Variants in CWC27 observed in about 807,000 individuals in gnomAD.
CWC27 encodes the protein CWC27 spliceosome associated cyclophilin.
Under a neutral mutation model 63.6 loss-of-function variants are expected in CWC27, and 47 were observed. That is an observed-to-expected ratio of 0.74 (90% CI 0.58 to 0.94). The LOEUF is 0.94. Among genes scored for constraint, CWC27 ranks in the 40% least tolerant of loss-of-function variants. The pLI, the probability that CWC27 is intolerant of heterozygous loss-of-function variation, is 0.00. For missense variants in CWC27, 495 were observed against 554.3 expected (o/e 0.89, Z 1.07); for synonymous variants, 175 against 179.8 (o/e 0.97, Z 0.22).
intron 11 of CWC27, among the ~76,000 whole-genome samples, chr5:64,910,955 G>A (rs892092342): frequency 4.6e-5 from 7 of 152,168 alleles, no homozygotes; most frequent in African/African-American, 1.7e-4. Flanking sequence ...TCCGTGGGCT[G>A]CACCCATTGT....
At chr5:64,970,958 AGTGT>A (rs57958257) in intron 11 of CWC27, among the ~76,000 whole-genome samples, 22,678 of 143,352 alleles carry the variant, frequency 0.16, 2,852 homozygotes, top group African/African-American at 0.36. Context: ...AGAGAGAGGG[AGTGT>A]GTGTGTGTGT....
At chr5:64,900,412 T>C (rs1016298123) in intron 11 of CWC27, among the ~76,000 whole-genome samples, 2 of 152,238 alleles carry the variant, frequency 1.3e-5, no homozygotes. Context: ...GTGTTGTTTG[T>C]TATTTACTAT....
rs143997810 is a variant in CWC27, at chr5:64,799,602, A to ATATATATATATATG, written c.670-646_670-645insTATATATATATATG. Among the ~76,000 whole-genome samples, 25 of 132,884 alleles carry ATATATATATATATG rather than the reference A, an allele frequency of 1.9e-4. 3 individuals carry two copies. Among genetic ancestry groups the ATATATATATATATG allele is most frequent in the East Asian group, 1.7e-3 (7 of 4,142 alleles). 87.2% of individuals were successfully genotyped at this position (132,884 alleles called of 152,430 possible). On this transcript the variant is annotated intron_variant, in intron 7 of 13. Coordinates refer to ENST00000381070, the MANE Select transcript of CWC27 (RefSeq NM_005869.4). ...TCCATCTCAAAATATATATATATAT[A>ATATATATATATATG]CTTAATAGCAGCAGTAGTTGTTGTT...
rs146827831 is a variant in CWC27 at position 64,842,652 on chromosome 5, T to G, written c.938+38266T>G. 6.0e-5 allele frequency among the ~76,000 whole-genome samples: 9 copies of G among 150,612 alleles called. No individual in the cohort carries two copies. In the East Asian group the frequency reaches 1.8e-3, roughly 30 times the overall value. The stretch of plus-strand genomic sequence containing the variant: ...TCTTGCCCTGTCACCCAGGCTGGAG[T>G]GCAGTGGCATGATCTTGACCCACTG... On this transcript the variant is annotated intron_variant, in intron 10 of 13. Transcript: ENST00000381070.
At chr5:65,007,012 AAGAAAG>A (rs1749858569) in intron 13 of CWC27, among the ~76,000 whole-genome samples, 2 of 151,726 alleles carry the variant, frequency 1.3e-5, no homozygotes, top group South Asian at 2.1e-4. Context: ...GAAAGAAAGA[AAGAAAG>A]AAAGAAAAGA....
At chr5:64,797,357 G>A (rs1744312270) in intron 7 of CWC27, among the ~76,000 whole-genome samples, 2 of 152,056 alleles carry the variant, frequency 1.3e-5, no homozygotes, top group Admixed American at 1.3e-4. Flanking sequence ...CTCTCTTAAG[G>A]ATTGTCTCCT....
chr5:65,004,584 G>A (rs1749794087), intron 13 of CWC27, among the ~76,000 whole-genome samples: 1 of 150,588 alleles, frequency 6.6e-6, no homozygotes, highest in Admixed American at 6.6e-5. Context: ...TTTTCATTCA[G>A]ATCATGAATT....
At chr5:64,866,952 T>C (rs1370792594) in intron 10 of CWC27, among the ~76,000 whole-genome samples, 1 of 152,072 alleles carries the variant, frequency 6.6e-6, no homozygotes, top group Non-Finnish European at 1.5e-5. Context: ...GTAGGAAAAA[T>C]GTATGACACT....
At chr5:64,956,316 G>T (rs1329550157) in intron 11 of CWC27, among the ~76,000 whole-genome samples, 2 of 151,998 alleles carry the variant, frequency 1.3e-5, no homozygotes, top group East Asian at 1.9e-4. Context: ...TCTTTATTTG[G>T]CATTCAGAGA....
intron 13 of CWC27, among the ~76,000 whole-genome samples, chr5:64,991,758 A>G (rs1319685739): frequency 6.6e-6 from 1 of 152,158 alleles, no homozygotes; most frequent in Admixed American, 6.5e-5. Context: ...CAAAATAAAA[A>G]CCAACGGAAA....
intron 13 of CWC27, among the ~76,000 whole-genome samples, chr5:64,996,692 G>A (rs1489170564): frequency 6.6e-6 from 1 of 152,018 alleles, no homozygotes; most frequent in East Asian, 1.9e-4. Context: ...TCAATAGTTT[G>A]ATTCCATTTG....
chr5:64,884,617 C>T (rs1177506400), intron 10 of CWC27, among the ~76,000 whole-genome samples: 2 of 152,148 alleles, frequency 1.3e-5, no homozygotes, highest in Non-Finnish European at 2.9e-5. Flanking sequence ...CCATGATTCA[C>T]TCTAGATTTT....
intron 13 of CWC27, among the ~76,000 whole-genome samples, chr5:65,003,665 G>A (rs1749773520): frequency 6.6e-6 from 1 of 152,114 alleles, no homozygotes; most frequent in Admixed American, 6.6e-5. Context: ...TAGCCTTGCT[G>A]GGTACACTAT....
chr5:64,880,618 G>A (rs1049262704), intron 10 of CWC27, among the ~76,000 whole-genome samples: 5 of 151,696 alleles, frequency 3.3e-5, no homozygotes, highest in Admixed American at 3.3e-4. Flanking sequence ...AATACTAAAT[G>A]TATAAAGCTA....
intron 10 of CWC27, chr5:64,807,680 T>C (rs1486031826): frequency 6.5e-7 from 1 of 1,536,008 alleles, no homozygotes. Context: ...GGTATTATTA[T>C]GGATTTCTAG....
intron 7 of CWC27, among the ~76,000 whole-genome samples, chr5:64,794,612 G>A (rs1341332144): frequency 6.6e-6 from 1 of 152,048 alleles, no homozygotes; most frequent in Non-Finnish European, 1.5e-5. Flanking sequence ...CGGGAATGAT[G>A]CCAAAAACCA....
chr5:64,869,166 G>T (rs751924347), intron 10 of CWC27, among the ~76,000 whole-genome samples: 1 of 151,996 alleles, frequency 6.6e-6, no homozygotes, highest in South Asian at 2.1e-4. Context: ...ACTGAAACTT[G>T]CCATGTATCT....
intron 10 of CWC27, among the ~76,000 whole-genome samples, chr5:64,856,468 A>ATGTATGTGTG (rs1746261668): frequency 6.7e-6 from 1 of 149,588 alleles, no homozygotes; most frequent in South Asian, 2.1e-4. Flanking sequence ...GTGTGTGTGT[A>ATGTATGTGTG]TGTGTGTGTG....
At chr5:64,880,275 C>T (rs1746904515) in intron 10 of CWC27, among the ~76,000 whole-genome samples, 1 of 151,904 alleles carries the variant, frequency 6.6e-6, no homozygotes, top group Admixed American at 6.6e-5. Context: ...AACATTTTCT[C>T]AAGGTGTCCA....
Sources: gnomAD v4.1 joint callset for allele counts (sites outside exome capture counted in the v4.1 genomes callset) on GRCh38, gnomAD v4.1.1 for gene constraint, MANE v1.5 for transcripts, NCBI Gene and HGNC (gene_info 2026-07-23, HGNC 2026-07-21) for gene names.